Variants in DOCK7 observed in about 807,000 individuals in gnomAD.
DOCK7 encodes dedicator of cytokinesis protein 7.
A neutral mutation model predicts 271.0 loss-of-function variants in DOCK7; 138 were observed. The ratio of observed to expected loss-of-function variants is 0.51; its 90% confidence interval spans 0.44 to 0.59. The LOEUF (loss-of-function observed/expected upper bound fraction) is 0.59. Among genes scored for constraint, DOCK7 ranks in the 20% least tolerant of loss-of-function variants. DOCK7 has a pLI of 0.00. For missense variants in DOCK7, 2,066 were observed against 2,592.4 expected (o/e 0.80, Z 4.41); for synonymous variants, 823 against 876.1 (o/e 0.94, Z 1.07).
At chr1:62,572,874 T>C (rs1646829040) in intron 18 of DOCK7, among the ~76,000 whole-genome samples, 1 of 152,156 alleles carries the variant, frequency 6.6e-6, no homozygotes, top group Non-Finnish European at 1.5e-5. Flanking sequence ...GAGCCAGGAT[T>C]AAAGCCTTAG....
rs568526496 is a variant in DOCK7, at chr1:62,682,861, G to C, written c.38+5366C>G. ...GTCCACAAAAAGGGAGTAGATTGAA[G>C]ATGTTAGAACAGGGAAAGTTGTGGG... On this transcript the variant is annotated intron_variant, in intron 1 of 49. Transcript: ENST00000635253. Among the ~76,000 whole-genome samples the C allele has an allele frequency of 1.4e-4, 21 of 152,324 alleles. No homozygotes were observed. In the East Asian group the frequency reaches 3.5e-3, roughly 25 times the overall value.
intron 14 of DOCK7, among the ~76,000 whole-genome samples, chr1:62,616,369 A>G (rs1227208233): frequency 6.6e-6 from 1 of 151,798 alleles, no homozygotes; most frequent in Admixed American, 6.6e-5. Flanking sequence ...ACTTACATCA[A>G]CTGTAAGACA....
At chr1:62,667,341 G>A (rs1184165543) in intron 1 of DOCK7, among the ~76,000 whole-genome samples, 3 of 152,186 alleles carry the variant, frequency 2.0e-5, no homozygotes, top group Non-Finnish European at 4.4e-5. Context: ...ATCTGAGATA[G>A]AAGTCAGGGA....
In DOCK7 at chr1:62,504,694, G is replaced by A. The variant is rs755483395; in HGVS notation, c.4700C>T (p.Thr1567Ile). Residue 1567 changes from threonine (T) to isoleucine (I), a missense_variant, in exon 37 of 50, where the codon ACA becomes ATA. Physicochemically the swap from Thr to Ile is moderately conservative, Grantham distance 89 (BLOSUM62 -1). Coordinates refer to ENST00000635253, the MANE Select transcript of DOCK7 (RefSeq NM_001367561.1). ...LLRHCSSSIG[T>I]IRSHASASLY... is the part of the protein sequence containing the mutation. ...GGAGGCACTGGCGTGTGACCGTATT[G>A]TACCGATGCTACTGCTACAGTGTCG... is the stretch of plus-strand genomic sequence containing the variant. 6.2e-7 allele frequency: 1 copy of A among 1,614,116 alleles called. No individual in the cohort carries two copies. The highest frequency in any genetic ancestry group is 8.5e-7 in the Non-Finnish European group (1 of 1,180,006).
intron 18 of DOCK7, among the ~76,000 whole-genome samples, chr1:62,564,141 T>C (rs1459101294): frequency 6.6e-6 from 1 of 152,022 alleles, no homozygotes; most frequent in Non-Finnish European, 1.5e-5. Flanking sequence ...AACACCCCAC[T>C]GTCAATATTA....
intron 48 of DOCK7, among the ~76,000 whole-genome samples, chr1:62,460,431 A>T (rs1480025574): frequency 6.6e-6 from 1 of 152,166 alleles, no homozygotes; most frequent in Non-Finnish European, 1.5e-5. Context: ...TACATTATAT[A>T]TTAGGTATTT....
chr1:62,522,756 GA>G (rs1230631673), intron 31 of DOCK7, among the ~76,000 whole-genome samples: 1 of 151,842 alleles, frequency 6.6e-6, no homozygotes, highest in African/African-American at 2.4e-5. Context: ...ATTGTGTGTA[GA>G]AAAAAAGAAT....
At chr1:62,500,029 A>G (rs982642346) in intron 37 of DOCK7, among the ~76,000 whole-genome samples, 21 of 152,176 alleles carry the variant, frequency 1.4e-4, no homozygotes, top group African/African-American at 4.8e-4. Flanking sequence ...TGCCTGCAAT[A>G]GCAAAATCCC....
rs570203355 is a variant in DOCK7 at position 62,586,508 on chromosome 1, G to A, written c.1799C>T (p.Pro600Leu). Residue 600 changes from proline to leucine, a missense_variant and splice_region_variant, in exon 15 of 50, where the codon CCG becomes CTG. Around this residue, in one of 2 missense-constraint regions of DOCK7, gnomAD observed 1,414 missense variants for 1,670.4 expected, o/e 0.85. Transcript: ENST00000635253. The part of the protein sequence containing the change: ...MYGEDPSNAM[P>L]VIFGKSSCSE... ...GAAAAGTAAAAGAACATTTCTTACC[G>A]GCATGGCATTGCTTGGATCCTCTCC... 33 of 1,584,220 alleles carry A rather than the reference G, an allele frequency of 2.1e-5. 1 individual carries two copies. Among genetic ancestry groups the A allele is most frequent in the South Asian group, 1.8e-4 (16 of 87,648 alleles).
chr1:62,631,793 A>G (rs1358497043), intron 10 of DOCK7, among the ~76,000 whole-genome samples: 1 of 152,190 alleles, frequency 6.6e-6, no homozygotes, highest in Non-Finnish European at 1.5e-5. Context: ...TAAAAGATGG[A>G]AGTAGCTGAG....
chr1:62,488,983 G>C lies in DOCK7; in HGVS notation c.5444C>G (p.Ser1815Cys), dbSNP rs368910771. The change falls in exon 42 of 50, where the codon TCC (serine) becomes TGC (cysteine). Residue 1815 changes from serine to cysteine, a missense_variant. Physicochemically the swap from Ser to Cys is moderately radical, Grantham distance 112 (BLOSUM62 -1). Around this residue, in one of 2 missense-constraint regions of DOCK7, gnomAD observed 652 missense variants for 922.1 expected, o/e 0.71. Coordinates refer to ENST00000635253, the MANE Select transcript of DOCK7 (RefSeq NM_001367561.1). ...HEANRDAKKL[S>C]TIHGKLQEAF... ...TTCTTGAAGTTTACCATGAATTGTG[G>C]ATAGTTTCTTTGCATCCCGATTAGC... The C allele has an allele frequency of 1.2e-6, 2 of 1,613,368 alleles. No individual in the cohort carries two copies. Among genetic ancestry groups the C allele is most frequent in the African/African-American group, 2.7e-5 (2 of 74,858 alleles).
At chr1:62,522,580 C>G (rs547914691) in intron 31 of DOCK7, among the ~76,000 whole-genome samples, 2 of 151,906 alleles carry the variant, frequency 1.3e-5, no homozygotes, top group Non-Finnish European at 2.9e-5. Context: ...CCAAAACATA[C>G]AGAACATATG....
At chr1:62,579,835 A>C (rs1748201) in intron 16 of DOCK7, among the ~76,000 whole-genome samples, 87,968 of 151,708 alleles carry the variant, frequency 0.58, 27,282 homozygotes, top group East Asian at 0.76. Context: ...AACAAAAAAA[A>C]CCAGTAAAAT....
chr1:62,459,749 C>T (rs1393524567), intron 48 of DOCK7, among the ~76,000 whole-genome samples: 1 of 152,094 alleles, frequency 6.6e-6, no homozygotes, highest in Non-Finnish European at 1.5e-5. Context: ...CTAACTTCTA[C>T]TAAACATCCT....
intron 7 of DOCK7, among the ~76,000 whole-genome samples, chr1:62,641,913 A>G (rs1462212245): frequency 6.6e-6 from 1 of 151,986 alleles, no homozygotes; most frequent in Admixed American, 6.6e-5. Flanking sequence ...ATCGTAATAT[A>G]TATTTTTACT....
At chr1:62,602,130 C>T (rs900844509) in intron 14 of DOCK7, among the ~76,000 whole-genome samples, 8 of 151,570 alleles carry the variant, frequency 5.3e-5, no homozygotes, top group African/African-American at 1.9e-4. Flanking sequence ...TTTCACTTAA[C>T]TTTTGGGACC....
rs746980228 is a variant in DOCK7, at chr1:62,688,284, A to ACGGCGGCGG, written c.-29_-21dup. ...GGCCATGGCTGCTGCGGCGACGGCG[A>ACGGCGGCGG]CGGCGGCGGCGGCTGCGGCGGGCCG... On this transcript the variant is annotated 5_prime_UTR_variant, in exon 1 of 50. Coordinates refer to ENST00000635253, the MANE Select transcript of DOCK7 (RefSeq NM_001367561.1). 46 of 1,253,860 alleles carry ACGGCGGCGG rather than the reference A, an allele frequency of 3.7e-5. No homozygotes were observed. The highest frequency in any genetic ancestry group is 7.8e-5 in the Admixed American group (2 of 25,624). 77.7% of individuals were successfully genotyped at this position (1,253,860 alleles called of 1,614,324 possible).
chr1:62,640,801 C>T lies in DOCK7; in HGVS notation c.819-4198G>A, dbSNP rs184653966. 4.9e-3 allele frequency among the ~76,000 whole-genome samples: 748 copies of T among 152,312 alleles called. 4 individuals carry two copies. The highest frequency in any genetic ancestry group is 8.6e-3 in the Non-Finnish European group (586 of 68,028). On this transcript the variant is annotated intron_variant, in intron 7 of 49. Transcript: ENST00000635253. Reference sequence around the variant, plus strand: ...GCCCTATTCACAAGGTAGAGTTCCCCTCCAAATAGTGTTCCAGCTCCCTTG... The same window carrying T: ...GCCCTATTCACAAGGTAGAGTTCCCTTCCAAATAGTGTTCCAGCTCCCTTG...
At chr1:62,500,495 A>T (rs1370399899) in intron 37 of DOCK7, among the ~76,000 whole-genome samples, 1 of 152,034 alleles carries the variant, frequency 6.6e-6, no homozygotes, top group Non-Finnish European at 1.5e-5. Flanking sequence ...GGAACAAAAC[A>T]AGTATTTTAT....
Sources: allele counts gnomAD v4.1 joint callset (sites outside exome capture counted in the v4.1 genomes callset), GRCh38; gene constraint gnomAD v4.1.1; regional missense constraint gnomAD v4.1.1; transcripts MANE v1.5; gene names NCBI Gene and HGNC (gene_info 2026-07-23, HGNC 2026-07-21).